The following C10orf90 variants were observed in gnomAD, a reference collection of about 807,000 sequenced individuals.
C10orf90 encodes (E2-independent) E3 ubiquitin-conjugating enzyme FATS.
Under a neutral mutation model 62.5 loss-of-function variants are expected in C10orf90, and 56 were observed. The observed-to-expected ratio is 0.90, with a 90% confidence interval of 0.72 to 1.12. C10orf90 has a LOEUF of 1.12. Among genes scored for constraint, C10orf90 ranks in the 50% most tolerant of loss-of-function variants. The pLI is 0.00. For missense variants in C10orf90, 970 were observed against 880.4 expected (o/e 1.10, Z -1.29); for synonymous variants, 386 against 340.4 (o/e 1.13, Z -1.47).
At chr10:126,494,144 T>C (rs1861913501) in intron 4 of C10orf90, among the ~76,000 whole-genome samples, 1 of 152,196 alleles carries the variant, frequency 6.6e-6, no homozygotes, top group African/African-American at 2.4e-5. Context: ...CCCACCTATA[T>C]GCAGAAATGG....
intron 2 of C10orf90, among the ~76,000 whole-genome samples, chr10:126,579,672 G>A (rs1400921661): frequency 1.3e-5 from 2 of 151,574 alleles, no homozygotes; most frequent in African/African-American, 2.4e-5. Flanking sequence ...AACAACAGAA[G>A]TTTTTCAGGG....
At chr10:126,447,783 A>G (rs903713454) in intron 7 of C10orf90, among the ~76,000 whole-genome samples, 1 of 152,160 alleles carries the variant, frequency 6.6e-6, no homozygotes, top group Non-Finnish European at 1.5e-5. Flanking sequence ...ATGTTAGGCC[A>G]AAAAATAAGT....
chr10:126,650,260 T>C (rs567940130), intron 1 of C10orf90, among the ~76,000 whole-genome samples: 1 of 152,310 alleles, frequency 6.6e-6, no homozygotes, highest in African/African-American at 2.4e-5. Flanking sequence ...TGTGTCTCCC[T>C]TAAGTCTCTG....
At chr10:126,527,049 A>G (rs1000503512) in intron 2 of C10orf90, among the ~76,000 whole-genome samples, 2 of 152,162 alleles carry the variant, frequency 1.3e-5, no homozygotes, top group Non-Finnish European at 1.5e-5. Flanking sequence ...TTTGAGTGAT[A>G]TATGTGTTCT....
At chr10:126,545,719 C>T (rs1056116114) in intron 2 of C10orf90, among the ~76,000 whole-genome samples, 1 of 152,114 alleles carries the variant, frequency 6.6e-6, no homozygotes, top group Non-Finnish European at 1.5e-5. Context: ...GTTTTCACAC[C>T]GTCAGCATGG....
chr10:126,504,210 G>C lies in C10orf90; in HGVS notation c.1281C>G (p.Leu427=), dbSNP rs371582331. 1.3e-4 allele frequency: 204 copies of C among 1,613,982 alleles called. No individual in the cohort carries two copies. Among genetic ancestry groups the C allele is most frequent in the Non-Finnish European group, 1.6e-4 (185 of 1,180,044 alleles). ...KQELLEGDQD[L]VGQRWNPGLQ... is the part of the protein sequence containing the mutation. Reference sequence around the variant, plus strand: ...AACCTGGGTTCCAGCGCTGGCCTACGAGGTCCTGGTCTCCCTCCAGGAGCT... The same window carrying C: ...AACCTGGGTTCCAGCGCTGGCCTACCAGGTCCTGGTCTCCCTCCAGGAGCT... The change falls in exon 4 of 10, where the codon CTC becomes CTG. Residue 427 remains leucine (L), a synonymous_variant. Coordinates refer to ENST00000488181, the MANE Select transcript of C10orf90 (RefSeq NM_001350921.2). This position sits in a 1 kb window ranked among gnomAD's most constrained non-coding sequence, Gnocchi z 4.1.
Position 126,666,276 on chromosome 10 carries a change from G to A in C10orf90, c.240+3965C>T, listed in dbSNP as rs376443566. Among the ~76,000 whole-genome samples, 45 of 151,974 alleles carry A rather than the reference G, an allele frequency of 3.0e-4. No homozygotes were observed. The South Asian group carries it at 6.9e-3, about 23-fold the overall frequency. ...TGCAGACATTACCAAATATCCCCAG[G>A]GTATTTCAACAAGCCCAAACAAATC... On this transcript the variant is annotated intron_variant, in intron 1 of 9. Transcript: ENST00000488181.
intron 2 of C10orf90, 105 bp from the exon 3 acceptor site, chr10:126,514,044 C>A: frequency 1.3e-6 from 1 of 764,332 alleles, no homozygotes; most frequent in Non-Finnish European, 2.1e-6. Context: ...CATATTCTAT[C>A]AGCCAACAGT....
chr10:126,565,411 ATATATT>A (rs1564874538), intron 2 of C10orf90, among the ~76,000 whole-genome samples: 2 of 13,748 alleles, frequency 1.5e-4, no homozygotes, highest in East Asian at 2.3e-3. Context: ...TATATATAAT[ATATATT>A]ATATATATTA....
chr10:126,593,777 TA>T (rs1278469036), intron 2 of C10orf90, among the ~76,000 whole-genome samples: 2 of 150,388 alleles, frequency 1.3e-5, no homozygotes, highest in African/African-American at 4.8e-5. Flanking sequence ...CCTGTAGTTT[TA>T]AAAAGTTTTT....
chr10:126,642,259 G>GCC (rs1471981269), intron 2 of C10orf90, among the ~76,000 whole-genome samples: 6 of 152,182 alleles, frequency 3.9e-5, no homozygotes, highest in Admixed American at 1.3e-4. Flanking sequence ...AAGGCTGGGT[G>GCC]CGGTGGCTCA....
rs185709765 is a variant in C10orf90, at chr10:126,601,601, A to G, written c.313+44964T>C. 5.4e-3 allele frequency among the ~76,000 whole-genome samples: 820 copies of G among 152,356 alleles called. 2 individuals are homozygous for G. Among genetic ancestry groups the G allele is most frequent in the Non-Finnish European group, 9.3e-3 (630 of 68,042 alleles). ...CATTTTGGTACATTTATATACACCA[A>G]TTATTTGATTGATACAGCTTTTTAA... On this transcript the variant is annotated intron_variant, in intron 2 of 9. Coordinates refer to ENST00000488181, the MANE Select transcript of C10orf90 (RefSeq NM_001350921.2).
chr10:126,509,174 A>G (rs1296846084), intron 3 of C10orf90, among the ~76,000 whole-genome samples: 1 of 152,220 alleles, frequency 6.6e-6, no homozygotes, highest in Non-Finnish European at 1.5e-5. Context: ...ATGAGGGAAG[A>G]GCAATCATGA....
chr10:126,667,010 C>T (rs1162322525), intron 1 of C10orf90, among the ~76,000 whole-genome samples: 1 of 150,598 alleles, frequency 6.6e-6, no homozygotes, highest in African/African-American at 2.4e-5. Context: ...TGATTCTACT[C>T]AGCCAGAATT....
At chr10:126,639,587 C>T (rs1489175684) in intron 2 of C10orf90, among the ~76,000 whole-genome samples, 3 of 152,132 alleles carry the variant, frequency 2.0e-5, no homozygotes, top group Admixed American at 6.5e-5. Context: ...TGGACTGTCC[C>T]CCACATGTCC....
chr10:126,503,387 G>A (rs910297056), intron 4 of C10orf90, among the ~76,000 whole-genome samples: 1 of 152,188 alleles, frequency 6.6e-6, no homozygotes, highest in African/African-American at 2.4e-5. Context: ...ATTTGGCACA[G>A]AGAGTCCCTG....
intron 2 of C10orf90, among the ~76,000 whole-genome samples, chr10:126,519,353 C>T (rs1863617741): frequency 6.6e-6 from 1 of 152,232 alleles, no homozygotes; most frequent in Non-Finnish European, 1.5e-5. Flanking sequence ...CCCAATACCG[C>T]TTGGCTTATC....
At chr10:126,573,104 C>A (rs549574749) in intron 2 of C10orf90, among the ~76,000 whole-genome samples, 1 of 152,102 alleles carries the variant, frequency 6.6e-6, no homozygotes, top group African/African-American at 2.4e-5. Flanking sequence ...AGCAGACTCA[C>A]GTCTCCAAAA....
At position 126,504,623 on chromosome 10, in the gene C10orf90, A is replaced by G. The variant is rs771575130; in HGVS notation, c.868T>C (p.Phe290Leu). 1 of 1,614,210 alleles carries G rather than the reference A, an allele frequency of 6.2e-7. No individual in the cohort carries two copies. ...TTTCTGGAGAACTCTGTGCAGGCAAAAGATCTCTGATGCCGACCTGGATGG... is the reference window on the plus strand; with the variant it reads ...TTTCTGGAGAACTCTGTGCAGGCAAGAGATCTCTGATGCCGACCTGGATGG... ...GAHPGRHQRS[F>L]ACTEFSRNSS... is the part of the protein sequence containing the mutation. Residue 290 changes from phenylalanine to leucine, a missense_variant, in exon 4 of 10, where the codon TTT (phenylalanine) becomes CTT (leucine). Phe to Leu is a conservative substitution (Grantham distance 22). Transcript: ENST00000488181. The surrounding 1 kb of genome is among the most constrained non-coding windows in gnomAD (Gnocchi z 4.1).
Sources: allele counts gnomAD v4.1 joint callset (sites outside exome capture counted in the v4.1 genomes callset), GRCh38; gene constraint gnomAD v4.1.1; non-coding constraint Gnocchi (gnomAD v3.1); transcripts MANE v1.5; gene names NCBI Gene and HGNC (gene_info 2026-07-23, HGNC 2026-07-21).